The following CACHD1 variants were observed in gnomAD, a reference collection of about 807,000 sequenced individuals.
CACHD1 encodes cache domain containing 1, also known as VWFA and cache domain-containing protein 1.
In CACHD1, 71 loss-of-function variants were observed where a neutral mutation model predicts 138.7. The observed-to-expected ratio is 0.51, with a 90% CI of 0.42 to 0.62. The LOEUF (loss-of-function observed/expected upper bound fraction) is 0.62, where lower values mean the gene tolerates loss of function less well. CACHD1 is among the 20% of genes least tolerant of loss of function. The pLI is 0.00. For synonymous variants in CACHD1, 578 were observed against 591.5 expected (o/e 0.98, Z 0.33); for missense variants, 1,389 against 1,625.3 (o/e 0.85, Z 2.50).
At chr1:64,576,025 C>T (rs1646964250) in intron 2 of CACHD1, among the ~76,000 whole-genome samples, 1 of 152,066 alleles carries the variant, frequency 6.6e-6, no homozygotes, top group Non-Finnish European at 1.5e-5. Flanking sequence ...GAATCCGTTC[C>T]CATGGGGACC....
At chr1:64,634,608 C>T (rs1306466792) in intron 7 of CACHD1, among the ~76,000 whole-genome samples, 1 of 152,044 alleles carries the variant, frequency 6.6e-6, no homozygotes, top group Non-Finnish European at 1.5e-5. Flanking sequence ...TGATCTCAAA[C>T]TCTTGAACTC....
At chr1:64,599,248 T>A (rs1647190890) in intron 3 of CACHD1, among the ~76,000 whole-genome samples, 1 of 152,176 alleles carries the variant, frequency 6.6e-6, no homozygotes, top group Admixed American at 6.5e-5. Flanking sequence ...TTTGTTGGTA[T>A]AAGCAGAATC....
chr1:64,638,958 C>T (rs17126817), intron 7 of CACHD1, among the ~76,000 whole-genome samples: 17,141 of 152,178 alleles, frequency 0.11, 1,174 homozygotes, highest in East Asian at 0.31. Context: ...AGGATTCTTA[C>T]AGAGTGTATG....
chr1:64,569,771 T>G (rs1456807590), intron 2 of CACHD1, among the ~76,000 whole-genome samples: 4 of 149,774 alleles, frequency 2.7e-5, no homozygotes, highest in Non-Finnish European at 1.5e-5. Flanking sequence ...GAAAAAAACA[T>G]GGATCTGGGC....
chr1:64,663,553 AAAAAAAAAAAAAG>A, intron 13 of CACHD1, 129 bp from the exon 14 acceptor site: 1 of 971,874 alleles, frequency 1.0e-6, no homozygotes, highest in Non-Finnish European at 1.4e-6. Context: ...TCCATCTGAA[AAAAAAAAAAAAAG>A]AAAAAAAGGA....
chr1:64,545,659 G>A (rs1646712739), intron 1 of CACHD1, among the ~76,000 whole-genome samples: 3 of 152,178 alleles, frequency 2.0e-5, no homozygotes, highest in African/African-American at 7.2e-5. Flanking sequence ...TTTGCTGTGT[G>A]AACATTGTTG....
At chr1:64,595,207 G>A (rs1469875) in intron 3 of CACHD1, among the ~76,000 whole-genome samples, 152,261 of 152,262 alleles carry the variant, frequency 1, 76,130 homozygotes, top group Non-Finnish European at 1. Flanking sequence ...GCTGTGTACT[G>A]AATACTCAGT....
chr1:64,642,900 G>A (rs1014925043), intron 8 of CACHD1, among the ~76,000 whole-genome samples: 5 of 151,492 alleles, frequency 3.3e-5, no homozygotes, highest in South Asian at 2.1e-4. Context: ...TTAGCTGGGC[G>A]TGGTGGTGTG....
At chr1:64,686,473 T>A (rs1016402800) in intron 26 of CACHD1, among the ~76,000 whole-genome samples, 6 of 152,352 alleles carry the variant, frequency 3.9e-5, no homozygotes, top group African/African-American at 1.4e-4. Context: ...TTGAGAATGT[T>A]TTTTGAAAGT....
At chr1:64,665,757 T>G (rs1049423521) in intron 15 of CACHD1, among the ~76,000 whole-genome samples, 3 of 151,860 alleles carry the variant, frequency 2.0e-5, no homozygotes, top group Non-Finnish European at 2.9e-5. Flanking sequence ...TGACTCACAC[T>G]TGTAATCTCA....
At chr1:64,660,145 T>C (rs1649393906) in intron 13 of CACHD1, among the ~76,000 whole-genome samples, 1 of 152,236 alleles carries the variant, frequency 6.6e-6, no homozygotes, top group African/African-American at 2.4e-5. Flanking sequence ...AGAAATGCTT[T>C]ACTGAAACAC....
chr1:64,592,620 G>A (rs1647115461), intron 3 of CACHD1, among the ~76,000 whole-genome samples: 1 of 152,078 alleles, frequency 6.6e-6, no homozygotes, highest in Non-Finnish European at 1.5e-5. Context: ...GGAGGTGGAA[G>A]ACCCAGCTGG....
intron 7 of CACHD1, among the ~76,000 whole-genome samples, chr1:64,635,051 T>C (rs968637763): frequency 6.7e-6 from 1 of 150,122 alleles, no homozygotes; most frequent in African/African-American, 2.4e-5. Context: ...GTTGTCTTCG[T>C]CATCATCTAA....
intron 1 of CACHD1, among the ~76,000 whole-genome samples, chr1:64,541,165 A>C (rs969714295): frequency 6.6e-6 from 1 of 152,236 alleles, no homozygotes; most frequent in African/African-American, 2.4e-5. Context: ...TACCCAACCA[A>C]AATAAAATAA....
At chr1:64,611,753 G>A (rs1265374653) in intron 4 of CACHD1, among the ~76,000 whole-genome samples, 1 of 152,142 alleles carries the variant, frequency 6.6e-6, no homozygotes, top group Non-Finnish European at 1.5e-5. Flanking sequence ...TTTCTTCAGA[G>A]CCCTCCAATC....
At chr1:64,512,783 C>T (rs1415521476) in intron 1 of CACHD1, among the ~76,000 whole-genome samples, 2 of 152,056 alleles carry the variant, frequency 1.3e-5, no homozygotes, top group African/African-American at 2.4e-5. Flanking sequence ...AATCTTTTGG[C>T]GGGGTAGAAC....
At chr1:64,589,942 G>A (rs752926846) in intron 3 of CACHD1, among the ~76,000 whole-genome samples, 3 of 151,950 alleles carry the variant, frequency 2.0e-5, no homozygotes, top group Non-Finnish European at 2.9e-5. Flanking sequence ...GTTAACCTTC[G>A]GATTTAGACT....
chr1:64,493,696 GGGA>G (rs1345714957), intron 1 of CACHD1, among the ~76,000 whole-genome samples: 2 of 152,126 alleles, frequency 1.3e-5, no homozygotes, highest in African/African-American at 4.8e-5. Context: ...CTTTTCCCCA[GGGA>G]ATTACCAAGA....
intron 1 of CACHD1, among the ~76,000 whole-genome samples, chr1:64,477,634 A>ATTTAT (rs1553125598): frequency 0.024 from 3,143 of 131,592 alleles, 45 homozygotes; most frequent in Non-Finnish European, 0.033. Context: ...ATTTTATTTT[A>ATTTAT]TTTTTTTTTT....
Sources: gnomAD v4.1 joint callset for allele counts (sites outside exome capture counted in the v4.1 genomes callset) on GRCh38, gnomAD v4.1.1 for gene constraint, MANE v1.5 for transcripts, NCBI Gene and HGNC (gene_info 2026-07-23, HGNC 2026-07-21) for gene names.